XRCC5: variants seen among roughly 807,000 people sequenced by gnomAD.
XRCC5 encodes the protein DNA repair protein Ku80.
In XRCC5, 12 loss-of-function variants were observed where a neutral mutation model predicts 95.7. That is an observed-to-expected ratio of 0.13 (90% CI 0.08 to 0.20). The LOEUF is 0.20. Ranked by LOEUF, XRCC5 falls within the 10% of genes least tolerant of loss-of-function variation. XRCC5 has a pLI of 1.00. For missense variants in XRCC5, 595 were observed against 873.9 expected, an observed-to-expected ratio of 0.68 and a Z score of 4.02; for synonymous variants, 281 against 290.3, an observed-to-expected ratio of 0.97 and a Z score of 0.33.
intron 19 of XRCC5, among the ~76,000 whole-genome samples, chr2:216,198,192 G>A (rs1051890903): frequency 6.6e-6 from 1 of 152,180 alleles, no homozygotes; most frequent in Non-Finnish European, 1.5e-5. Flanking sequence ...CCAGACCTTC[G>A]TTTTCAAGTG....
chr2:216,167,240 C>T (rs1689068133), intron 16 of XRCC5, among the ~76,000 whole-genome samples: 1 of 152,124 alleles, frequency 6.6e-6, no homozygotes, highest in African/African-American at 2.4e-5. Context: ...TGGATTACGT[C>T]TCATCCTAGA....
intron 16 of XRCC5, chr2:216,175,664 G>A (rs1411074725): frequency 2.4e-6 from 1 of 412,604 alleles, no homozygotes; most frequent in Non-Finnish European, 4.6e-6. Context: ...CTGTTAGGTG[G>A]GCACCAGGCT....
chr2:216,190,196 C>CT, intron 16 of XRCC5, 29 bp from the exon 17 acceptor site: 15 of 1,596,114 alleles, frequency 9.4e-6, no homozygotes, highest in Non-Finnish European at 1.2e-5. Flanking sequence ...TCACTCAAAT[C>CT]TAAGAAAATT....
At chr2:216,116,874 A>G (rs1696707009) in intron 3 of XRCC5, 32 bp downstream of exon 3, 1 of 1,606,714 alleles carries the variant, frequency 6.2e-7, no homozygotes, top group African/African-American at 1.3e-5. Flanking sequence ...AGACTTTAAG[A>G]AATTTCCTTT....
intron 5 of XRCC5, 147 bp downstream of exon 5, chr2:216,119,312 C>T (rs925238112): frequency 2.5e-6 from 2 of 814,820 alleles, no homozygotes; most frequent in Non-Finnish European, 3.8e-6. Flanking sequence ...ACTCAGCAAA[C>T]ATTTGCTGGT....
Position 216,183,978 on chromosome 2 carries a change from G to T in XRCC5, c.1835-6247G>T, listed in dbSNP as rs1222334189. Among the ~76,000 whole-genome samples the T allele has an allele frequency of 2.0e-5, 3 of 151,544 alleles. No individual in the cohort carries two copies. The East Asian group carries it at 5.8e-4, about 29-fold the overall frequency. On this transcript the variant is annotated intron_variant, in intron 16 of 20. Coordinates refer to ENST00000392132, the MANE Select transcript of XRCC5 (RefSeq NM_021141.4). ...AAGAGCAAAGAGCACTCTTCAGTCC[G>T]AACTCTTTTAGAAGTGGAAGCAGAA...
At chr2:216,177,102 T>C (rs1418151352) in intron 16 of XRCC5, among the ~76,000 whole-genome samples, 2 of 152,222 alleles carry the variant, frequency 1.3e-5, no homozygotes, top group African/African-American at 4.8e-5. Flanking sequence ...CTTGTTCTTA[T>C]GTGGTCTCAC....
intron 13 of XRCC5, among the ~76,000 whole-genome samples, chr2:216,141,793 C>T (rs926665832): frequency 2.0e-5 from 3 of 152,050 alleles, no homozygotes; most frequent in South Asian, 2.1e-4. Context: ...TGGTTCATGC[C>T]TGTAATCCCA....
chr2:216,178,667 T>C (rs1194666922), intron 16 of XRCC5, among the ~76,000 whole-genome samples: 5 of 152,240 alleles, frequency 3.3e-5, no homozygotes, highest in African/African-American at 4.8e-5. Flanking sequence ...TACATCTGCA[T>C]ATATATCTTA....
At position 216,126,745 on chromosome 2, in the gene XRCC5, C is replaced by T. The variant is rs190999251; in HGVS notation, c.798+714C>T. Among the ~76,000 whole-genome samples the T allele has an allele frequency of 6.6e-5, 10 of 152,110 alleles. No individual in the cohort carries two copies. The East Asian group carries it at 9.7e-4, about 15-fold the overall frequency. ...TATTAAAGAACTTAATTCCAAAATA[C>T]ATGATATATCTGTGAGAACCTTGGG... On this transcript the variant is annotated intron_variant, in intron 7 of 20. Coordinates refer to ENST00000392132, the MANE Select transcript of XRCC5 (RefSeq NM_021141.4).
At chr2:216,150,237 A>G (rs1688717855) in intron 14 of XRCC5, among the ~76,000 whole-genome samples, 1 of 152,194 alleles carries the variant, frequency 6.6e-6, no homozygotes, top group Non-Finnish European at 1.5e-5. Context: ...CTGTTCAGGA[A>G]GTTTAATCAT....
intron 10 of XRCC5, among the ~76,000 whole-genome samples, chr2:216,136,335 A>G (rs1697078190): frequency 6.8e-6 from 1 of 147,958 alleles, no homozygotes; most frequent in South Asian, 2.2e-4. Context: ...CAGCCTGGGC[A>G]ACAAGAGCGA....
chr2:216,204,409 AAT>A lies in XRCC5; in HGVS notation c.2184+16_2184+17del. 6.2e-7 allele frequency: 1 copy of A among 1,613,716 alleles called. No homozygotes were observed. The highest frequency in any genetic ancestry group is 1.3e-5 in the African/African-American group (1 of 75,044). ...TGTGGACGATTTAGTAAGTACTTTTAATATGCACCTGGTGTTCTATGATTGAA... is the reference window on the plus strand; with the variant it reads ...TGTGGACGATTTAGTAAGTACTTTTAATGCACCTGGTGTTCTATGATTGAA... On this transcript the variant is annotated intron_variant, in intron 20 of 20. Coordinates refer to ENST00000392132, the MANE Select transcript of XRCC5 (RefSeq NM_021141.4).
intron 20 of XRCC5, 53 bp from the exon 21 acceptor site, chr2:216,205,135 A>G: frequency 6.2e-7 from 1 of 1,608,204 alleles, no homozygotes. Context: ...CCAGAGAAGC[A>G]GTGGTATGAA....
Position 216,144,860 on chromosome 2 carries a change from C to A in XRCC5, c.1477-3223C>A, listed in dbSNP as rs544050787. 6.6e-5 allele frequency among the ~76,000 whole-genome samples: 10 copies of A among 152,098 alleles called. No homozygotes were observed. The East Asian group carries it at 1.7e-3, about 26-fold the overall frequency. ...GGAGAGAGAACAAAGTAGAGAACTG[C>A]AACACGTGAGTGAACAATTAGACAT... is the stretch of plus-strand genomic sequence containing the variant. On this transcript the variant is annotated intron_variant, in intron 13 of 20. Transcript: ENST00000392132.
chr2:216,194,895 T>C, intron 18 of XRCC5, 24 bp from the exon 19 acceptor site: 1 of 1,612,494 alleles, frequency 6.2e-7, no homozygotes, highest in Non-Finnish European at 8.5e-7. Context: ...GTGTTTTGAT[T>C]TTACTCTCTG....
At chr2:216,189,202 C>T (rs761787332) in intron 16 of XRCC5, among the ~76,000 whole-genome samples, 8 of 152,222 alleles carry the variant, frequency 5.3e-5, no homozygotes, top group Non-Finnish European at 1.0e-4. Context: ...TAGCATTGTG[C>T]ATACACAGGT....
rs1688961713 is a variant in XRCC5, at chr2:216,162,003, A to G, written c.1789A>G (p.Asn597Asp). 6.2e-7 allele frequency: 1 copy of G among 1,614,130 alleles called. No individual in the cohort carries two copies. Among genetic ancestry groups the G allele is most frequent in the Non-Finnish European group, 8.5e-7 (1 of 1,179,990 alleles). ...TSVGSVNPAENFRVLVKQKKA... is the reference protein window; with the variant it reads ...TSVGSVNPAEDFRVLVKQKKA... ...GGTTGGAAGTGTGAATCCTGCTGAA[A>G]ACTTCCGTGTTCTAGTGAAACAGAA... is the stretch of plus-strand genomic sequence containing the variant. Residue 597 changes from asparagine (N) to aspartate (D), a missense_variant, in exon 16 of 21, where the codon AAC becomes GAC. Transcript: ENST00000392132.
intron 14 of XRCC5, chr2:216,156,789 A>T: frequency 1.9e-6 from 1 of 516,792 alleles, no homozygotes; most frequent in South Asian, 1.4e-5. Context: ...GAGAGTAACC[A>T]CACAATCCTG....
Sources: gnomAD v4.1 joint callset for allele counts (sites outside exome capture counted in the v4.1 genomes callset) on GRCh38, gnomAD v4.1.1 for gene constraint, MANE v1.5 for transcripts, NCBI Gene and HGNC (gene_info 2026-07-23, HGNC 2026-07-21) for gene names.